The following KCNS3 variants were observed in gnomAD, a reference collection of about 807,000 sequenced individuals.
The protein encoded by KCNS3 is delayed-rectifier potassium channel regulatory subunit KCNS3.
Under a neutral mutation model 31.0 loss-of-function variants are expected in KCNS3, and 13 were observed. The ratio of observed to expected loss-of-function variants is 0.42; its 90% CI spans 0.27 to 0.67. The LOEUF (loss-of-function observed/expected upper bound fraction) is 0.67. Among genes scored for constraint, KCNS3 ranks in the 30% least tolerant of loss-of-function variants. KCNS3 has a pLI of 0.25. For synonymous variants in KCNS3, 238 were observed against 241.5 expected (o/e 0.99, Z 0.13); for missense variants, 545 against 622.4 (o/e 0.88, Z 1.32).
intron 2 of KCNS3, among the ~76,000 whole-genome samples, chr2:17,918,752 G>A (rs1328539123): frequency 1.3e-5 from 2 of 152,362 alleles, no homozygotes; most frequent in East Asian, 3.9e-4. Context: ...AATCAGACTT[G>A]TGGGGAATAA....
chr2:17,880,183 C>G (rs1286951115), intron 1 of KCNS3, among the ~76,000 whole-genome samples: 2 of 152,202 alleles, frequency 1.3e-5, no homozygotes, highest in African/African-American at 4.8e-5. Flanking sequence ...CATATGCCCT[C>G]GTGCTTTGTC....
chr2:17,891,443 G>A (rs1285813611), intron 1 of KCNS3, among the ~76,000 whole-genome samples: 2 of 152,028 alleles, frequency 1.3e-5, no homozygotes, highest in Non-Finnish European at 2.9e-5. Flanking sequence ...TGCATTCATC[G>A]TGCTCTTTGT....
intron 1 of KCNS3, among the ~76,000 whole-genome samples, chr2:17,880,795 G>A (rs1286006917): frequency 2.0e-5 from 3 of 152,216 alleles, no homozygotes; most frequent in Non-Finnish European, 4.4e-5. Context: ...CTTCTTTTAA[G>A]AAGGAAGGGG....
chr2:17,900,277 C>T (rs1662141564), intron 1 of KCNS3, among the ~76,000 whole-genome samples: 1 of 152,116 alleles, frequency 6.6e-6, no homozygotes, highest in Non-Finnish European at 1.5e-5. Context: ...TGTTCTACTG[C>T]ATTTCAGCAA....
chr2:17,924,243 A>AT (rs1344966471), intron 2 of KCNS3, among the ~76,000 whole-genome samples: 1 of 151,796 alleles, frequency 6.6e-6, no homozygotes, highest in Admixed American at 6.6e-5. Context: ...ATTAGTTCTA[A>AT]TTTTTTTGTA....
intron 1 of KCNS3, among the ~76,000 whole-genome samples, chr2:17,901,503 G>A (rs1025025047): frequency 1.3e-5 from 2 of 152,156 alleles, no homozygotes; most frequent in African/African-American, 4.8e-5. Flanking sequence ...GGAAAATGTG[G>A]ATGTGCTTAT....
chr2:17,909,072 C>T (rs1010696115), intron 1 of KCNS3, among the ~76,000 whole-genome samples: 1 of 152,358 alleles, frequency 6.6e-6, no homozygotes, highest in Non-Finnish European at 1.5e-5. Context: ...TCTACAGAGG[C>T]AGGCAGGCCT....
At chr2:17,883,771 A>T (rs1480004903) in intron 1 of KCNS3, among the ~76,000 whole-genome samples, 2 of 151,884 alleles carry the variant, frequency 1.3e-5, no homozygotes, top group African/African-American at 4.8e-5. Context: ...TACCCAAAGG[A>T]TTATAAATCA....
intron 1 of KCNS3, among the ~76,000 whole-genome samples, chr2:17,902,514 GGT>G (rs1662204800): frequency 6.6e-6 from 1 of 152,150 alleles, no homozygotes. Flanking sequence ...TTCTAAAACT[GGT>G]GGTTTTTATG....
At chr2:17,924,497 T>C (rs568699896) in intron 2 of KCNS3, among the ~76,000 whole-genome samples, 1 of 152,302 alleles carries the variant, frequency 6.6e-6, no homozygotes, top group East Asian at 1.9e-4. Context: ...GGGTTTTTCA[T>C]AGATGCTCTT....
chr2:17,886,343 G>A (rs1661653938), intron 1 of KCNS3, among the ~76,000 whole-genome samples: 1 of 152,144 alleles, frequency 6.6e-6, no homozygotes, highest in African/African-American at 2.4e-5. Flanking sequence ...AGAACTTCAT[G>A]GTTGAATACT....
intron 1 of KCNS3, among the ~76,000 whole-genome samples, chr2:17,911,878 C>G (rs370909287): frequency 2.0e-4 from 30 of 152,184 alleles, no homozygotes; most frequent in African/African-American, 6.8e-4. Flanking sequence ...GTTTCTCCAT[C>G]TGCAAAACGA....
chr2:17,915,428 A>G (rs939257693), intron 1 of KCNS3, among the ~76,000 whole-genome samples: 3 of 152,162 alleles, frequency 2.0e-5, no homozygotes, highest in Non-Finnish European at 4.4e-5. Context: ...CCCAAAGCCT[A>G]CTGGCTTGGG....
chr2:17,917,102 C>A (rs184348632), intron 1 of KCNS3, among the ~76,000 whole-genome samples: 2 of 152,306 alleles, frequency 1.3e-5, no homozygotes, highest in East Asian at 3.9e-4. Context: ...ACACACACTT[C>A]ATATACATAA....
At chr2:17,884,220 C>T (rs1172350856) in intron 1 of KCNS3, among the ~76,000 whole-genome samples, 5 of 139,446 alleles carry the variant, frequency 3.6e-5, no homozygotes, top group Non-Finnish European at 6.1e-5. Context: ...CAAACCTGCA[C>T]GTTGTGCACA....
At chr2:17,924,172 TA>T (rs1662783048) in intron 2 of KCNS3, among the ~76,000 whole-genome samples, 1 of 151,968 alleles carries the variant, frequency 6.6e-6, no homozygotes. Flanking sequence ...ATTGCTAGTA[TA>T]TAGAGATACA....
chr2:17,932,544 A>G lies in KCNS3; in HGVS notation c.*60A>G. On this transcript the variant is annotated 3_prime_UTR_variant, in exon 3 of 3. Coordinates refer to ENST00000304101, the MANE Select transcript of KCNS3 (RefSeq NM_002252.5). The stretch of plus-strand genomic sequence containing the variant: ...CCCGACATTAGGTTAACACAGCTTT[A>G]TAAACCTCAGTGGGTTCGTTAAAAT... The G allele has an allele frequency of 6.6e-7, 1 of 1,526,282 alleles. No homozygotes were observed. The highest frequency in any genetic ancestry group is 8.8e-7 in the Non-Finnish European group (1 of 1,133,772). 94.5% of individuals were successfully genotyped at this position (1,526,282 alleles called of 1,614,324 possible).
chr2:17,906,297 G>A lies in KCNS3; in HGVS notation c.-251-11383G>A, dbSNP rs191138969. Among the ~76,000 whole-genome samples the A allele has an allele frequency of 6.8e-3, 1,040 of 152,200 alleles. 6 individuals carry two copies. The highest frequency in any genetic ancestry group is 0.011 in the Non-Finnish European group (746 of 67,990). On this transcript the variant is annotated intron_variant, in intron 1 of 2. Coordinates refer to ENST00000304101, the MANE Select transcript of KCNS3 (RefSeq NM_002252.5). ...TACTAGTTTGTATTTCTGTGGGATCGGTGGTGATATCCCCTTTGTCACTTT... is the reference window on the plus strand; with the variant it reads ...TACTAGTTTGTATTTCTGTGGGATCAGTGGTGATATCCCCTTTGTCACTTT...
At chr2:17,888,339 A>G (rs918316879) in intron 1 of KCNS3, among the ~76,000 whole-genome samples, 5 of 151,916 alleles carry the variant, frequency 3.3e-5, no homozygotes, top group Non-Finnish European at 7.4e-5. Context: ...GAATTTTTAT[A>G]ATTTCAGGTC....
Sources: gnomAD v4.1 joint callset for allele counts (sites outside exome capture counted in the v4.1 genomes callset) on GRCh38, gnomAD v4.1.1 for gene constraint, MANE v1.5 for transcripts, NCBI Gene and HGNC (gene_info 2026-07-23, HGNC 2026-07-21) for gene names.